The following UCHL3 variants were observed in gnomAD, a reference collection of about 807,000 sequenced individuals.
The protein encoded by UCHL3 is ubiquitin C-terminal hydrolase L3.
Under a neutral mutation model 35.8 loss-of-function variants are expected in UCHL3, and 22 were observed. That is an observed-to-expected ratio of 0.61 (90% CI 0.44 to 0.88). UCHL3 has a LOEUF of 0.88. UCHL3 is among the 40% of genes least tolerant of loss of function. UCHL3 has a pLI of 0.00. For synonymous variants in UCHL3, 90 were observed against 92.8 expected (o/e 0.97, Z 0.17); for missense variants, 229 against 276.9 (o/e 0.83, Z 1.23).
At chr13:75,595,768 A>G (rs1338453042) in intron 7 of UCHL3, among the ~76,000 whole-genome samples, 1 of 137,138 alleles carries the variant, frequency 7.3e-6, no homozygotes, top group African/African-American at 2.7e-5. Context: ...GTTACTTGGT[A>G]TTTTGGCTTA....
intron 2 of UCHL3, among the ~76,000 whole-genome samples, chr13:75,551,677 C>G (rs1312553280): frequency 6.6e-6 from 1 of 152,106 alleles, no homozygotes; most frequent in Non-Finnish European, 1.5e-5. Context: ...TGTAATTAAC[C>G]ATATCAATAG....
intron 3 of UCHL3, among the ~76,000 whole-genome samples, chr13:75,562,505 G>A (rs554997573): frequency 6.6e-6 from 1 of 151,772 alleles, no homozygotes; most frequent in Admixed American, 6.6e-5. Flanking sequence ...ACTATTCCAG[G>A]ACCCCAGTTG....
chr13:75,570,680 A>G (rs1366642963), intron 6 of UCHL3, among the ~76,000 whole-genome samples: 1 of 152,230 alleles, frequency 6.6e-6, no homozygotes, highest in Non-Finnish European at 1.5e-5. Flanking sequence ...AAGTTAAAGC[A>G]GAAGGATCGC....
intron 6 of UCHL3, among the ~76,000 whole-genome samples, chr13:75,575,130 T>C (rs1356026891): frequency 6.6e-6 from 1 of 152,202 alleles, no homozygotes; most frequent in Non-Finnish European, 1.5e-5. Context: ...CTGAGATTTG[T>C]AGACTAAATG....
At chr13:75,582,034 A>C (rs2032201281) in intron 6 of UCHL3, among the ~76,000 whole-genome samples, 1 of 152,168 alleles carries the variant, frequency 6.6e-6, no homozygotes, top group Non-Finnish European at 1.5e-5. Flanking sequence ...AAAACACTGA[A>C]ATTGGAGCTG....
chr13:75,605,471 G>A (rs759424443), intron 8 of UCHL3, among the ~76,000 whole-genome samples: 13 of 152,138 alleles, frequency 8.5e-5, no homozygotes. Context: ...TTGCACCACT[G>A]CACTCCAGCC....
At chr13:75,594,770 C>T in intron 6 of UCHL3, 145 bp from the exon 7 acceptor site, 1 of 660,868 alleles carries the variant, frequency 1.5e-6, no homozygotes, top group South Asian at 1.9e-5. Flanking sequence ...CACTCTTTGT[C>T]CATTATACCA....
chr13:75,581,363 T>C (rs79788358), intron 6 of UCHL3, among the ~76,000 whole-genome samples: 1 of 130,598 alleles, frequency 7.7e-6, no homozygotes, highest in African/African-American at 2.8e-5. Flanking sequence ...TTTTTTTTTT[T>C]CCTTGAGACA....
At chr13:75,593,707 C>T (rs926391321) in intron 6 of UCHL3, among the ~76,000 whole-genome samples, 5 of 152,148 alleles carry the variant, frequency 3.3e-5, no homozygotes, top group African/African-American at 9.7e-5. Context: ...TGAATTTCTT[C>T]CGTTCATAAT....
intron 7 of UCHL3, among the ~76,000 whole-genome samples, chr13:75,595,787 CT>C (rs11364688): frequency 0.77 from 111,547 of 144,920 alleles, 43,367 homozygotes; most frequent in Middle Eastern, 0.88. Flanking sequence ...TATACCTGTA[CT>C]TTTTTTTTTT....
Position 75,589,961 on chromosome 13 carries a change from G to A in UCHL3, c.475-4954G>A, listed in dbSNP as rs981457664. 61 of 1,304,384 alleles carry A rather than the reference G, an allele frequency of 4.7e-5. No individual in the cohort carries two copies. In the African/African-American group the frequency reaches 7.4e-4, roughly 16 times the overall value. 80.8% of individuals were successfully genotyped at this position (1,304,384 alleles called of 1,614,324 possible). On this transcript the variant is annotated intron_variant, in intron 6 of 8. Coordinates refer to ENST00000377595, the MANE Select transcript of UCHL3 (RefSeq NM_006002.5). Reference sequence around the variant, plus strand: ...AGTCCTCCTCGCCATCCTCATCACAGCCTCATTCTAGCCACTGCAGAACGA... The same window carrying A: ...AGTCCTCCTCGCCATCCTCATCACAACCTCATTCTAGCCACTGCAGAACGA...
At chr13:75,585,206 A>G (rs145171686) in intron 6 of UCHL3, among the ~76,000 whole-genome samples, 24 of 152,320 alleles carry the variant, frequency 1.6e-4, no homozygotes, top group African/African-American at 5.8e-4. Context: ...TTATCCTCCA[A>G]AAAACAAACA....
intron 3 of UCHL3, among the ~76,000 whole-genome samples, chr13:75,565,501 T>C (rs529539242): frequency 9.8e-5 from 15 of 152,354 alleles, no homozygotes; most frequent in African/African-American, 3.6e-4. Context: ...AGGTTTTCTA[T>C]AGACATCGTT....
intron 2 of UCHL3, among the ~76,000 whole-genome samples, chr13:75,552,522 A>G (rs748605945): frequency 6.6e-6 from 1 of 152,218 alleles, no homozygotes; most frequent in Non-Finnish European, 1.5e-5. Flanking sequence ...ATGAGTATTA[A>G]TTGTTAGACA....
At chr13:75,596,264 G>A (rs8000362) in intron 7 of UCHL3, among the ~76,000 whole-genome samples, 10,822 of 152,204 alleles carry the variant, frequency 0.071, 1,279 homozygotes, top group African/African-American at 0.24. Context: ...AACCCTGAGC[G>A]TTGTCTACAA....
At chr13:75,570,803 T>C (rs2031831292) in intron 6 of UCHL3, among the ~76,000 whole-genome samples, 1 of 152,048 alleles carries the variant, frequency 6.6e-6, no homozygotes, top group African/African-American at 2.4e-5. Context: ...CACTAGCTAC[T>C]AGGGAGGCTG....
intron 6 of UCHL3, among the ~76,000 whole-genome samples, chr13:75,570,924 A>G (rs934309366): frequency 2.6e-5 from 4 of 152,156 alleles, no homozygotes; most frequent in Non-Finnish European, 5.9e-5. Flanking sequence ...TAAAATATAT[A>G]TATATATTGG....
At chr13:75,576,898 A>G (rs2032039663) in intron 6 of UCHL3, among the ~76,000 whole-genome samples, 1 of 152,234 alleles carries the variant, frequency 6.6e-6, no homozygotes. Context: ...ATGAATGTAT[A>G]CAGTTGGCCC....
At chr13:75,573,381 C>T (rs760376518) in intron 6 of UCHL3, among the ~76,000 whole-genome samples, 3 of 152,018 alleles carry the variant, frequency 2.0e-5, no homozygotes. Context: ...TCAGTTCCTA[C>T]AAAATACATA....
Sources: gnomAD v4.1 joint callset for allele counts (sites outside exome capture counted in the v4.1 genomes callset) on GRCh38, gnomAD v4.1.1 for gene constraint, MANE v1.5 for transcripts, NCBI Gene and HGNC (gene_info 2026-07-23, HGNC 2026-07-21) for gene names.